Variants in CDYL observed in about 807,000 individuals in gnomAD.
The protein encoded by CDYL is chromodomain Y-like protein.
CDYL carries 8 observed loss-of-function variants against 47.3 expected under a neutral mutation model. The ratio of observed to expected loss-of-function variants is 0.17; its 90% CI spans 0.10 to 0.31. CDYL has a LOEUF of 0.31. Among genes scored for constraint, CDYL ranks in the 10% least tolerant of loss-of-function variants. CDYL has a pLI of 1.00. For missense variants in CDYL, 471 were observed against 701.4 expected (o/e 0.67, Z 3.71); for synonymous variants, 266 against 265.0 (o/e 1.00, Z -0.04).
chr6:4,820,491 C>T (rs973259057), intron 1 of CDYL, among the ~76,000 whole-genome samples: 46 of 152,318 alleles, frequency 3.0e-4, no homozygotes, highest in African/African-American at 1.1e-3. Flanking sequence ...CTCTCTCTCT[C>T]TCTGGCAGCA....
chr6:4,835,819 G>C (rs1384677938), intron 1 of CDYL, among the ~76,000 whole-genome samples: 1 of 152,176 alleles, frequency 6.6e-6, no homozygotes, highest in African/African-American at 2.4e-5. Flanking sequence ...CCGCCTTGCA[G>C]TTTGATCTCA....
intron 1 of CDYL, among the ~76,000 whole-genome samples, chr6:4,881,976 G>A (rs1237960436): frequency 6.6e-6 from 1 of 152,202 alleles, no homozygotes; most frequent in Admixed American, 6.5e-5. Flanking sequence ...GCCAGAGGCT[G>A]GAGCAGGCAT....
At chr6:4,779,688 A>G (rs1327962756) in intron 1 of CDYL, among the ~76,000 whole-genome samples, 1 of 152,188 alleles carries the variant, frequency 6.6e-6, no homozygotes, top group African/African-American at 2.4e-5. Flanking sequence ...CGGATTTTTG[A>G]TGCGGCGTAG....
intron 2 of CDYL, among the ~76,000 whole-genome samples, chr6:4,895,125 ATG>A (rs1434773344): frequency 3.9e-5 from 5 of 128,168 alleles, no homozygotes; most frequent in Admixed American, 8.6e-5. Context: ...ATGCATATAT[ATG>A]TGCATGTGTG....
At chr6:4,897,787 T>TTTGTTTTG (rs1392087375) in intron 2 of CDYL, among the ~76,000 whole-genome samples, 25 of 45,476 alleles carry the variant, frequency 5.5e-4, no homozygotes, top group African/African-American at 2.1e-3. Flanking sequence ...TTTGAAGGTT[T>TTTGTTTTG]TTGTTTTTTT....
At chr6:4,776,111 C>A (rs1180174770), upstream of CDYL, among the ~76,000 whole-genome samples, 35 of 150,288 alleles carry the variant, frequency 2.3e-4, 1 homozygote, top group East Asian at 5.7e-3. Context: ...GCGGGCCAGG[C>A]CGACCCCGCA....
chr6:4,852,690 T>G (rs559930481), intron 1 of CDYL, among the ~76,000 whole-genome samples: 7 of 152,262 alleles, frequency 4.6e-5, no homozygotes, highest in Middle Eastern at 3.4e-3. Flanking sequence ...TTTAACATTT[T>G]TGTGTGTGTA....
intron 2 of CDYL, among the ~76,000 whole-genome samples, chr6:4,896,831 T>G (rs1762297343): frequency 6.6e-6 from 1 of 152,230 alleles, no homozygotes; most frequent in African/African-American, 2.4e-5. Context: ...ACATTAATCA[T>G]ATACTGAAGG....
At chr6:4,857,894 G>A (rs190278337) in intron 1 of CDYL, among the ~76,000 whole-genome samples, 32 of 152,180 alleles carry the variant, frequency 2.1e-4, no homozygotes, top group African/African-American at 7.5e-4. Context: ...TTCTCATTAT[G>A]CCTGTTAAGA....
chr6:4,810,864 A>G (rs1032347479), intron 1 of CDYL, among the ~76,000 whole-genome samples: 4 of 152,248 alleles, frequency 2.6e-5, no homozygotes, highest in Non-Finnish European at 1.5e-5. Context: ...GTTATTTCTC[A>G]AAAGTCTAAC....
intron 1 of CDYL, among the ~76,000 whole-genome samples, chr6:4,860,342 T>TC (rs1185894276): frequency 6.6e-6 from 1 of 151,232 alleles, no homozygotes; most frequent in Non-Finnish European, 1.5e-5. Context: ...TTCCCCTCAC[T>TC]CCCCCCTTCT....
At chr6:4,898,121 C>A (rs956697392) in intron 2 of CDYL, among the ~76,000 whole-genome samples, 3 of 152,050 alleles carry the variant, frequency 2.0e-5, no homozygotes, top group Non-Finnish European at 4.4e-5. Context: ...ACTTAAGAGG[C>A]TGAGGTGGGA....
At chr6:4,785,416 G>A (rs563238138) in intron 1 of CDYL, among the ~76,000 whole-genome samples, 26 of 152,152 alleles carry the variant, frequency 1.7e-4, no homozygotes, top group Non-Finnish European at 3.4e-4. Flanking sequence ...GCTATGTGAA[G>A]TTTTCTTTGT....
chr6:4,940,672 T>C (rs1157297484), intron 4 of CDYL, among the ~76,000 whole-genome samples: 1 of 152,256 alleles, frequency 6.6e-6, no homozygotes. Flanking sequence ...GCTTTTGAAG[T>C]CTGCCAGAAC....
intron 1 of CDYL, among the ~76,000 whole-genome samples, chr6:4,877,487 A>G (rs1205036646): frequency 1.3e-5 from 2 of 152,210 alleles, no homozygotes; most frequent in Non-Finnish European, 2.9e-5. Context: ...CCTGTAATGC[A>G]TCTTGAATGA....
At chr6:4,916,829 G>A (rs1191845219) in intron 2 of CDYL, among the ~76,000 whole-genome samples, 1 of 152,174 alleles carries the variant, frequency 6.6e-6, no homozygotes, top group Non-Finnish European at 1.5e-5. Flanking sequence ...AGTGTGTAGT[G>A]ATCCCCTCAT....
intron 1 of CDYL, among the ~76,000 whole-genome samples, chr6:4,789,790 G>A (rs1758869102): frequency 6.6e-6 from 1 of 152,172 alleles, no homozygotes; most frequent in East Asian, 1.9e-4. Context: ...CTGCCCCTGG[G>A]TAGGGCCCCC....
intron 4 of CDYL, among the ~76,000 whole-genome samples, 155 bp from the exon 5 acceptor site, chr6:4,943,391 A>G (rs1243583939): frequency 1.3e-5 from 2 of 152,198 alleles, no homozygotes; most frequent in African/African-American, 4.8e-5. Context: ...AAATAAGTCT[A>G]GGGTCCACAA....
intron 2 of CDYL, among the ~76,000 whole-genome samples, chr6:4,908,956 A>G (rs372810638): frequency 3.3e-5 from 5 of 152,230 alleles, no homozygotes; most frequent in African/African-American, 9.6e-5. Flanking sequence ...AAAAGGTTCT[A>G]TGCTTAGACT....
Sources: allele counts gnomAD v4.1 joint callset (sites outside exome capture counted in the v4.1 genomes callset), GRCh38; gene constraint gnomAD v4.1.1; transcripts MANE v1.5; gene names NCBI Gene and HGNC (gene_info 2026-07-23, HGNC 2026-07-21).